IKZF1: variants seen among roughly 807,000 people sequenced by gnomAD.
The protein encoded by IKZF1 is IKAROS family zinc finger 1, also known as DNA-binding protein Ikaros.
In IKZF1, 10 loss-of-function variants were observed where a neutral mutation model predicts 51.7. The observed-to-expected ratio is 0.19, with a 90% confidence interval of 0.12 to 0.33. The LOEUF (loss-of-function observed/expected upper bound fraction) is 0.33. IKZF1 is among the 10% of genes least tolerant of loss of function. IKZF1 has a pLI of 1.00. For synonymous variants in IKZF1, 280 were observed against 282.3 expected (o/e 0.99, Z 0.08); for missense variants, 484 against 707.5 (o/e 0.68, Z 3.58).
Position 50,405,011 on chromosome 7 carries a change from G to A in IKZF1, c.*4384G>A. 1 of 201,636 alleles carries A rather than the reference G, an allele frequency of 5.0e-6. No individual in the cohort carries two copies. The highest frequency in any genetic ancestry group is 1.0e-5 in the Non-Finnish European group (1 of 97,856). 12.5% of individuals were successfully genotyped at this position (201,636 alleles called of 1,614,324 possible). A position where few individuals can be genotyped will look rare whatever the true frequency, so the allele number is the denominator to read the frequency against. On this transcript the variant is annotated 3_prime_UTR_variant, in exon 8 of 8. Transcript: ENST00000331340. ...TAAAAATCAGGACTGGGGACTGGGA[G>A]ACCAAAAATTTCTGATCCCATTTCT... is the stretch of plus-strand genomic sequence containing the variant.
chr7:50,402,983 C>T lies in IKZF1; in HGVS notation c.*2356C>T, dbSNP rs1482008747. On this transcript the variant is annotated 3_prime_UTR_variant, in exon 8 of 8. Coordinates refer to ENST00000331340, the MANE Select transcript of IKZF1 (RefSeq NM_006060.6). ...AAATTTCACCTACTCTGTTCTTTTCCATCCATCCCCCTGAGTCAGTTGGTT... is the reference window on the plus strand; with the variant it reads ...AAATTTCACCTACTCTGTTCTTTTCTATCCATCCCCCTGAGTCAGTTGGTT... The T allele has an allele frequency of 1.8e-5, 4 of 226,686 alleles. No homozygotes were observed. Among genetic ancestry groups the T allele is most frequent in the Admixed American group, 1.7e-4 (3 of 17,570 alleles). The allele number at this position is 226,686 out of a possible 1,614,324, so 14.0% of individuals were successfully genotyped here. A position where few individuals can be genotyped will look rare whatever the true frequency, so the allele number is the denominator to read the frequency against.
rs1017675507 is a variant in IKZF1 at position 50,376,379 on chromosome 7, C to T, written c.161-154C>T. On this transcript the variant is annotated intron_variant, in intron 3 of 7. Transcript: ENST00000331340. The surrounding 1 kb of genome is among the most constrained non-coding windows in gnomAD (Gnocchi z 4.5). The stretch of plus-strand genomic sequence containing the variant: ...CGAAGCCCACTCAAGGCTGAATGCA[C>T]GGCGAGCTCAGGCTGCTCTCCCCTT... 7.2e-5 allele frequency among the ~76,000 whole-genome samples: 11 copies of T among 152,214 alleles called. No homozygotes were observed. The highest frequency in any genetic ancestry group is 2.1e-4 in the South Asian group (1 of 4,828).
upstream of IKZF1, among the ~76,000 whole-genome samples, chr7:50,303,670 C>T (rs1365625133): frequency 6.6e-6 from 1 of 152,070 alleles, no homozygotes; most frequent in East Asian, 1.9e-4. This position sits in a 1 kb window ranked among gnomAD's most constrained non-coding sequence, Gnocchi z 4.7. Flanking sequence ...CCAAGGGGCC[C>T]CAGTTCCAGG....
chr7:50,391,907 G>T (rs1200551662), intron 7 of IKZF1, 44 bp downstream of exon 7: 3 of 1,575,930 alleles, frequency 1.9e-6, no homozygotes, highest in Non-Finnish European at 2.6e-6. Context: ...AAACTATGTG[G>T]GTGTTTTAGA....
chr7:50,305,920 A>T (rs1788668326), intron 1 of IKZF1, among the ~76,000 whole-genome samples: 1 of 152,058 alleles, frequency 6.6e-6, no homozygotes, highest in African/African-American at 2.4e-5. Flanking sequence ...GGTGGGGGGG[A>T]CCCACATAGA....
intron 4 of IKZF1, among the ~76,000 whole-genome samples, chr7:50,379,726 G>T (rs1338717913): frequency 6.6e-6 from 1 of 152,128 alleles, no homozygotes; most frequent in Non-Finnish European, 1.5e-5. Flanking sequence ...CACCCTAATG[G>T]CACTGCTCCT....
chr7:50,376,629 A>T lies in IKZF1; in HGVS notation c.257A>T (p.Asp86Val), dbSNP rs2153469199. 6.2e-7 allele frequency: 1 copy of T among 1,613,992 alleles called. No individual in the cohort carries two copies. Among genetic ancestry groups the T allele is most frequent in the Non-Finnish European group, 8.5e-7 (1 of 1,179,874 alleles). ...EECAEDLRML[D>V]ASGEKMNGSH... ...TGTGCGGAGGATTTACGAATGCTTG[A>T]TGCCTCGGGAGAGAAAATGAATGGC... is the stretch of plus-strand genomic sequence containing the variant. Residue 86 changes from aspartate (D) to valine (V), a missense_variant, in exon 4 of 8, where the codon GAT (aspartate) becomes GTT (valine). Physicochemically the swap from Asp to Val is radical, Grantham distance 152. Transcript: ENST00000331340. This position sits in a 1 kb window ranked among gnomAD's most constrained non-coding sequence, Gnocchi z 4.5.
intron 3 of IKZF1, chr7:50,369,825 A>G (rs1363039148): frequency 2.2e-5 from 8 of 368,756 alleles, no homozygotes; most frequent in Non-Finnish European, 3.9e-5. Flanking sequence ...CCCTGACTTC[A>G]TTCCATTTAA....
intron 2 of IKZF1, among the ~76,000 whole-genome samples, chr7:50,322,432 G>A (rs901540064): frequency 2.1e-4 from 32 of 152,080 alleles, no homozygotes; most frequent in African/African-American, 7.7e-4. Context: ...TTTGTTCCTT[G>A]AGATTTATCC....
chr7:50,346,537 A>G (rs1043136600), intron 3 of IKZF1, among the ~76,000 whole-genome samples: 7 of 152,212 alleles, frequency 4.6e-5, no homozygotes, highest in Admixed American at 3.9e-4. Flanking sequence ...AATAAACACC[A>G]TGATGCCTTT....
intron 3 of IKZF1, among the ~76,000 whole-genome samples, chr7:50,375,321 G>A (rs1435685244): frequency 1.3e-5 from 2 of 152,174 alleles, no homozygotes; most frequent in African/African-American, 4.8e-5. Context: ...CTACTGGGGA[G>A]GCTGAGGTGG....
rs139953631 is a variant in IKZF1, at chr7:50,372,416, G to A, written c.161-4117G>A. ...GTCTTAGACTTCACCAACCTTTCCC[G>A]TCATAACATGGCTTAGAAGTTGTCC... On this transcript the variant is annotated intron_variant, in intron 3 of 7. Coordinates refer to ENST00000331340, the MANE Select transcript of IKZF1 (RefSeq NM_006060.6). 2.1e-3 allele frequency among the ~76,000 whole-genome samples: 314 copies of A among 152,220 alleles called. 2 individuals carry two copies. Among genetic ancestry groups the A allele is most frequent in the African/African-American group, 6.8e-3 (281 of 41,512 alleles).
At chr7:50,320,472 T>G (rs1358314952) in intron 2 of IKZF1, among the ~76,000 whole-genome samples, 1 of 152,228 alleles carries the variant, frequency 6.6e-6, no homozygotes, top group Admixed American at 6.5e-5. Flanking sequence ...TATTTGAAAC[T>G]ATATATTATT....
intron 3 of IKZF1, among the ~76,000 whole-genome samples, chr7:50,364,066 A>T (rs550964308): frequency 7.2e-5 from 11 of 152,346 alleles, no homozygotes; most frequent in African/African-American, 2.6e-4. Flanking sequence ...TTTCTCCTAA[A>T]TACAAATCTG....
At chr7:50,319,686 C>G (rs1256605266) in intron 2 of IKZF1, among the ~76,000 whole-genome samples, 1 of 152,178 alleles carries the variant, frequency 6.6e-6, no homozygotes, top group Non-Finnish European at 1.5e-5. Context: ...CGCACAGTTC[C>G]CCAGTGCATG....
At chr7:50,393,461 G>A (rs771074954) in intron 7 of IKZF1, among the ~76,000 whole-genome samples, 7 of 152,182 alleles carry the variant, frequency 4.6e-5, no homozygotes, top group African/African-American at 2.4e-5. Flanking sequence ...GCAAGGCCAA[G>A]TCCTGGGCAC....
chr7:50,376,608 C>A lies in IKZF1; in HGVS notation c.236C>A (p.Ala79Glu), dbSNP rs1265571297. 2 of 1,613,758 alleles carry A rather than the reference C, an allele frequency of 1.2e-6. No individual in the cohort carries two copies. Among genetic ancestry groups the A allele is most frequent in the Non-Finnish European group, 1.7e-6 (2 of 1,179,864 alleles). The change falls in exon 4 of 8, where the codon GCG becomes GAG. Residue 79 changes from alanine to glutamate, a missense_variant. Coordinates refer to ENST00000331340, the MANE Select transcript of IKZF1 (RefSeq NM_006060.6). The surrounding 1 kb of genome is among the most constrained non-coding windows in gnomAD (Gnocchi z 4.5). Reference protein sequence around the residue: ...RACEMNGEECAEDLRMLDASG... With the variant: ...RACEMNGEECEEDLRMLDASG... ...TGTGAAATGAATGGGGAAGAATGTG[C>A]GGAGGATTTACGAATGCTTGATGCC...
At chr7:50,319,238 C>G (rs1440710791) in intron 2 of IKZF1, 137 bp downstream of exon 2, 1 of 610,784 alleles carries the variant, frequency 1.6e-6, no homozygotes, top group African/African-American at 1.8e-5. Flanking sequence ...TGGAATTTGC[C>G]TGAGTGTTTC....
intron 4 of IKZF1, 66 bp from the exon 5 acceptor site, chr7:50,382,474 C>G (rs779536319): frequency 1.3e-6 from 2 of 1,511,376 alleles, no homozygotes; most frequent in East Asian, 4.8e-5. Flanking sequence ...ACAACTTTCT[C>G]GTAGCATCGT....
Sources: allele counts gnomAD v4.1 joint callset (sites outside exome capture counted in the v4.1 genomes callset), GRCh38; gene constraint gnomAD v4.1.1; non-coding constraint Gnocchi (gnomAD v3.1); transcripts MANE v1.5; gene names NCBI Gene and HGNC (gene_info 2026-07-23, HGNC 2026-07-21).